CMTM4: variants seen among roughly 807,000 people sequenced by gnomAD.
CMTM4 encodes CKLF like MARVEL transmembrane domain containing 4, also known as CKLF-like MARVEL transmembrane domain-containing protein 4.
Under a neutral mutation model 19.0 loss-of-function variants are expected in CMTM4, and 8 were observed. The ratio of observed to expected loss-of-function variants is 0.42; its 90% confidence interval spans 0.25 to 0.76. The LOEUF is 0.76. Ranked by LOEUF, CMTM4 falls within the 30% of genes least tolerant of loss-of-function variation. The pLI is 0.27. For missense variants in CMTM4, 228 were observed against 290.2 expected, an observed-to-expected ratio of 0.79 and a Z score of 1.56; for synonymous variants, 106 against 121.1, an observed-to-expected ratio of 0.88 and a Z score of 0.82.
chr16:66,685,443 C>T (rs1322486133), intron 1 of CMTM4, among the ~76,000 whole-genome samples: 1 of 151,960 alleles, frequency 6.6e-6, no homozygotes, highest in African/African-American at 2.4e-5. Flanking sequence ...TCCAGACATA[C>T]CTCAGTCCTT....
chr16:66,650,240 C>T (rs1301410591), intron 1 of CMTM4, among the ~76,000 whole-genome samples: 1 of 152,126 alleles, frequency 6.6e-6, no homozygotes, highest in Non-Finnish European at 1.5e-5. Flanking sequence ...TGGGATACAA[C>T]CTAGTTCCTC....
chr16:66,656,577 G>T (rs1221734157), intron 1 of CMTM4, among the ~76,000 whole-genome samples: 8 of 151,296 alleles, frequency 5.3e-5, no homozygotes, highest in Non-Finnish European at 1.2e-4. Flanking sequence ...GCTGTGAAAG[G>T]TTAAGAAGTT....
At chr16:66,656,810 C>T (rs1439390387) in intron 1 of CMTM4, among the ~76,000 whole-genome samples, 1 of 151,982 alleles carries the variant, frequency 6.6e-6, no homozygotes, top group African/African-American at 2.4e-5. Context: ...CCGACACTAC[C>T]ACAAAATAAC....
intron 1 of CMTM4, among the ~76,000 whole-genome samples, chr16:66,690,944 G>A (rs1033480638): frequency 1.3e-5 from 2 of 150,750 alleles, no homozygotes; most frequent in Non-Finnish European, 2.9e-5. Flanking sequence ...GCAAGACCTC[G>A]TCTCTACAAA....
At chr16:66,640,811 T>A (rs1197274519) in intron 1 of CMTM4, among the ~76,000 whole-genome samples, 1 of 152,132 alleles carries the variant, frequency 6.6e-6, no homozygotes, top group Non-Finnish European at 1.5e-5. Flanking sequence ...CCAGCTGCCA[T>A]GTCTTGAGGG....
intron 1 of CMTM4, among the ~76,000 whole-genome samples, chr16:66,652,569 T>C (rs1247237762): frequency 2.6e-5 from 4 of 152,178 alleles, no homozygotes; most frequent in African/African-American, 9.6e-5. Context: ...TTTGGCAAGA[T>C]TCTCACCTTC....
chr16:66,670,576 C>T (rs1187957175), intron 1 of CMTM4, among the ~76,000 whole-genome samples: 4 of 151,774 alleles, frequency 2.6e-5, no homozygotes, highest in Non-Finnish European at 5.9e-5. Context: ...CCGAGGTAGG[C>T]GGATCACGAG....
intron 3 of CMTM4, among the ~76,000 whole-genome samples, chr16:66,623,094 C>T (rs1178022736): frequency 2.6e-5 from 4 of 152,196 alleles, no homozygotes; most frequent in Admixed American, 1.3e-4. Flanking sequence ...GTGTTGGAAA[C>T]GAACCAAAGC....
chr16:66,601,145 G>A, the CMTM4 span, among the ~76,000 whole-genome samples: 1 of 151,918 alleles, frequency 6.6e-6, no homozygotes, highest in Non-Finnish European at 1.5e-5. Context: ...TTATCTTTGT[G>A]GGGAGGAGAT....
At chr16:66,638,969 T>C (rs780160688) in intron 1 of CMTM4, among the ~76,000 whole-genome samples, 13 of 150,766 alleles carry the variant, frequency 8.6e-5, no homozygotes, top group Non-Finnish European at 1.2e-4. Flanking sequence ...GTTACCTCAC[T>C]GGATTGAGCC....
At chr16:66,647,923 G>A (rs2016236083) in intron 1 of CMTM4, among the ~76,000 whole-genome samples, 1 of 152,166 alleles carries the variant, frequency 6.6e-6, no homozygotes, top group African/African-American at 2.4e-5. Context: ...TTACAGTGAT[G>A]GTGACCCACT....
At chr16:66,638,623 C>T (rs2016041613) in intron 1 of CMTM4, among the ~76,000 whole-genome samples, 1 of 152,148 alleles carries the variant, frequency 6.6e-6, no homozygotes. Flanking sequence ...CTTTGGGAGG[C>T]TGAGGCAGGT....
intron 2 of CMTM4, among the ~76,000 whole-genome samples, chr16:66,631,816 G>A (rs908476204): frequency 4.6e-5 from 7 of 152,232 alleles, no homozygotes; most frequent in Non-Finnish European, 7.4e-5. Flanking sequence ...GGTCCTCTGC[G>A]TAGGAAAACC....
intron 1 of CMTM4, among the ~76,000 whole-genome samples, chr16:66,650,085 T>C (rs905495372): frequency 1.3e-5 from 2 of 152,110 alleles, no homozygotes; most frequent in African/African-American, 4.8e-5. Context: ...AATGAGGGCT[T>C]AGGCAGCAGC....
At chr16:66,633,102 A>AATATATATATAT (rs371737613) in intron 2 of CMTM4, among the ~76,000 whole-genome samples, 1 of 97,436 alleles carries the variant, frequency 1.0e-5, no homozygotes, top group African/African-American at 4.7e-5. Flanking sequence ...TATATATATA[A>AATATATATATAT]ATATATATAT....
intron 1 of CMTM4, among the ~76,000 whole-genome samples, chr16:66,689,479 G>A (rs2017097714): frequency 1.3e-5 from 2 of 152,042 alleles, no homozygotes; most frequent in South Asian, 2.1e-4. Context: ...TGGCACGATC[G>A]CGGCTCACCG....
At position 66,623,452 on chromosome 16, in the gene CMTM4, G is replaced by C. The variant is rs757004048; in HGVS notation, c.414C>G (p.Ile138Met). Reference protein sequence around the residue: ...LSAFLFFIASIVLAALNHRAG... With the variant: ...LSAFLFFIASMVLAALNHRAG... ...CTCTATGGTTTAAAGCAGCCAGTAC[G>C]ATTGAAGCAATAAAGAAAAGGAAAG... The change falls in exon 3 of 4, where the codon ATC (isoleucine) becomes ATG (methionine). Residue 138 changes from isoleucine to methionine, a missense_variant. Ile to Met is a conservative substitution (Grantham distance 10). Transcript: ENST00000394106. The C allele has an allele frequency of 2.5e-6, 4 of 1,613,920 alleles. No homozygotes were observed. The highest frequency in any genetic ancestry group is 3.4e-6 in the Non-Finnish European group (4 of 1,179,972).
chr16:66,655,856 G>T (rs1490212866), intron 1 of CMTM4, among the ~76,000 whole-genome samples: 1 of 152,136 alleles, frequency 6.6e-6, no homozygotes, highest in Admixed American at 6.6e-5. Context: ...AGTGGTTCAT[G>T]CCTGTAATCT....
chr16:66,645,779 G>C (rs541283716), intron 1 of CMTM4, among the ~76,000 whole-genome samples: 2 of 151,986 alleles, frequency 1.3e-5, no homozygotes, highest in South Asian at 4.1e-4. Flanking sequence ...AGGAGTTCGA[G>C]ACCAGCCTGA....
Sources: allele counts gnomAD v4.1 joint callset (sites outside exome capture counted in the v4.1 genomes callset), GRCh38; gene constraint gnomAD v4.1.1; transcripts MANE v1.5; gene names NCBI Gene and HGNC (gene_info 2026-07-23, HGNC 2026-07-21).